ANP32E: variants seen among roughly 807,000 people sequenced by gnomAD.
The protein encoded by ANP32E is acidic nuclear phosphoprotein 32 family member E.
ANP32E carries 14 observed loss-of-function variants against 35.3 expected under a neutral mutation model. That is an observed-to-expected ratio of 0.40 (90% CI 0.26 to 0.62). ANP32E has a LOEUF of 0.62. Ranked by LOEUF, ANP32E falls within the 20% of genes least tolerant of loss-of-function variation. The pLI is 0.45. For missense variants in ANP32E, 198 were observed against 304.4 expected, an observed-to-expected ratio of 0.65 and a Z score of 2.60; for synonymous variants, 89 against 110.4, an observed-to-expected ratio of 0.81 and a Z score of 1.22.
intron 6 of ANP32E, among the ~76,000 whole-genome samples, chr1:150,221,228 A>T (rs1648337477): frequency 6.6e-6 from 1 of 150,618 alleles, no homozygotes; most frequent in African/African-American, 2.4e-5. Context: ...ACTTAAGGTC[A>T]GGAGTTGGAG....
chr1:150,231,739 C>T, intron 2 of ANP32E, 38 bp downstream of exon 2: 1 of 1,582,702 alleles, frequency 6.3e-7, no homozygotes, highest in African/African-American at 1.4e-5. Context: ...ATAGCCGTGG[C>T]ATTGAAATCA....
intron 1 of ANP32E, chr1:150,234,690 C>T: frequency 1.0e-6 from 1 of 985,456 alleles, no homozygotes; most frequent in Non-Finnish European, 1.2e-6. Flanking sequence ...GGAAACCCCA[C>T]ACGGGGCGGG....
chr1:150,221,115 C>CACAAA (rs1648320250), intron 6 of ANP32E, among the ~76,000 whole-genome samples: 1 of 68,916 alleles, frequency 1.5e-5, no homozygotes, highest in African/African-American at 6.4e-5. Context: ...ACTTTGTCTC[C>CACAAA]AAAAAAAAAA....
chr1:150,229,340 C>T (rs1649161857), intron 3 of ANP32E, 103 bp from the exon 4 acceptor site: 2 of 682,050 alleles, frequency 2.9e-6, no homozygotes, highest in Admixed American at 4.3e-5. Context: ...AGCTCTGTTG[C>T]CAGCTGGAAT....
At chr1:150,234,972 G>A (rs982855603) in intron 1 of ANP32E, among the ~76,000 whole-genome samples, 4 of 152,224 alleles carry the variant, frequency 2.6e-5, no homozygotes, top group Non-Finnish European at 5.9e-5. Flanking sequence ...TTGTGAAACC[G>A]TCTCCAGGGA....
chr1:150,235,608 C>A lies in ANP32E; in HGVS notation c.54+125G>T. 1 of 1,036,556 alleles carries A rather than the reference C, an allele frequency of 9.6e-7. No homozygotes were observed. Among genetic ancestry groups the A allele is most frequent in the South Asian group, 1.5e-5 (1 of 65,766 alleles). The allele number at this position is 1,036,556 out of a possible 1,614,324, so 64.2% of individuals were successfully genotyped here. A position where few individuals can be genotyped will look rare whatever the true frequency, so the allele number is the denominator to read the frequency against. ...AACTTAAAATTAAACATTTCCCCAA[C>A]CCTAACCCGGGGGGATGGGGGCTAA... On this transcript the variant is annotated intron_variant, in intron 1 of 6. Coordinates refer to ENST00000583931, the MANE Select transcript of ANP32E (RefSeq NM_030920.5). The surrounding 1 kb of genome is among the most constrained non-coding windows in gnomAD (Gnocchi z 4.2).
chr1:150,235,765 T>G lies in ANP32E; in HGVS notation c.22A>C (p.Asn8His). MEMKKKI[N>H]LELRNRSPEE... ...GGGGATCTGTTCCTTAACTCCAGGT[T>G]AATCTTCTTCTTCATCTCCATGTCC... is the stretch of plus-strand genomic sequence containing the variant. The change falls in exon 1 of 7, where the codon AAC becomes CAC. Residue 8 changes from asparagine to histidine, a missense_variant. By Grantham distance (68) the Asn-to-His change is moderately conservative. This residue lies in a region of ANP32E where 35 missense variants were observed against 47.6 expected (regional missense o/e 0.74). Transcript: ENST00000583931. The surrounding 1 kb of genome is among the most constrained non-coding windows in gnomAD (Gnocchi z 4.2). 1 of 1,609,238 alleles carries G rather than the reference T, an allele frequency of 6.2e-7. No individual in the cohort carries two copies. Among genetic ancestry groups the G allele is most frequent in the Non-Finnish European group, 8.5e-7 (1 of 1,177,530 alleles).
rs143204667 is a variant in ANP32E, at chr1:150,231,864, A to T, written c.117T>A (p.Asp39Glu). 3 of 1,613,416 alleles carry T rather than the reference A, an allele frequency of 1.9e-6. No individual in the cohort carries two copies. Among genetic ancestry groups the T allele is most frequent in the Non-Finnish European group, 2.5e-6 (3 of 1,179,850 alleles). ...TCAGAAATTCTAGTTCTTTGAAAGT[A>T]TCATTCAGGCCTTCAATTTCCCCAT... is the stretch of plus-strand genomic sequence containing the variant. Reference protein sequence around the residue: ...CVNGEIEGLNDTFKELEFLSM... With the variant: ...CVNGEIEGLNETFKELEFLSM... Residue 39 changes from aspartate to glutamate, a missense_variant, in exon 2 of 7, where the codon GAT becomes GAA. Physicochemically the swap from Asp to Glu is conservative, Grantham distance 45 (BLOSUM62 2). Around this residue, in one of 4 missense-constraint regions of ANP32E, gnomAD observed 35 missense variants for 47.6 expected, o/e 0.74. Transcript: ENST00000583931.
chr1:150,232,026 T>A, intron 1 of ANP32E, 100 bp from the exon 2 acceptor site: 1 of 1,228,784 alleles, frequency 8.1e-7, no homozygotes, highest in East Asian at 2.6e-5. Context: ...AAACCACCAA[T>A]CTCCAGTTTG....
intron 4 of ANP32E, 57 bp downstream of exon 4, chr1:150,229,015 C>T (rs1553840883): frequency 6.8e-7 from 1 of 1,478,026 alleles, no homozygotes; most frequent in Non-Finnish European, 9.1e-7. Context: ...ATCTAATTTG[C>T]ACAGCTACAG....
intron 4 of ANP32E, among the ~76,000 whole-genome samples, chr1:150,228,500 A>G (rs1649068939): frequency 1.3e-5 from 2 of 151,796 alleles, no homozygotes; most frequent in Admixed American, 1.3e-4. Context: ...GACCAGCCTG[A>G]CCAACATGGT....
In ANP32E at chr1:150,220,094, C is replaced by A. The variant is rs1021100617; in HGVS notation, c.*597G>T. 2 of 150,100 alleles carry A rather than the reference C, an allele frequency of 1.3e-5. No individual in the cohort carries two copies. Among genetic ancestry groups the A allele is most frequent in the Admixed American group, 6.8e-5 (1 of 14,768 alleles). The allele number at this position is 150,100 out of a possible 1,614,324, so 9.3% of individuals were successfully genotyped here. Reference sequence around the variant, plus strand: ...ACCACTAAATCCATGAACCATATTACTGAATAGAACCTCCACAAAATCCAT... The same window carrying A: ...ACCACTAAATCCATGAACCATATTAATGAATAGAACCTCCACAAAATCCAT... On this transcript the variant is annotated 3_prime_UTR_variant, in exon 7 of 7. Coordinates refer to ENST00000583931, the MANE Select transcript of ANP32E (RefSeq NM_030920.5).
chr1:150,236,054 A>T lies in ANP32E; in HGVS notation c.-268T>A, dbSNP rs587684856. ...CGCACGCACGCGCGCACACACATAC[A>T]CACACACATACACACACACACCCGC... On this transcript the variant is annotated 5_prime_UTR_variant, in exon 1 of 7. Coordinates refer to ENST00000583931, the MANE Select transcript of ANP32E (RefSeq NM_030920.5). 2.5e-6 allele frequency: 1 copy of T among 403,944 alleles called. No individual in the cohort carries two copies. Among genetic ancestry groups the T allele is most frequent in the Admixed American group, 4.1e-5 (1 of 24,616 alleles). The allele number at this position is 403,944 out of a possible 1,614,324, so 25.0% of individuals were successfully genotyped here. A position where few individuals can be genotyped will look rare whatever the true frequency, so the allele number is the denominator to read the frequency against.
Position 150,235,888 on chromosome 1 carries a change from G to A in ANP32E, c.-102C>T. 1.2e-6 allele frequency: 1 copy of A among 815,012 alleles called. No homozygotes were observed. 50.5% of individuals were successfully genotyped at this position (815,012 alleles called of 1,614,324 possible). A position where few individuals can be genotyped will look rare whatever the true frequency, so the allele number is the denominator to read the frequency against. ...TAAGAGATTTAGAAATGAATGAAAA[G>A]GAACGCAAATATAAACGCCCACTAC... On this transcript the variant is annotated 5_prime_UTR_variant, in exon 1 of 7. Transcript: ENST00000583931. The surrounding 1 kb of genome is among the most constrained non-coding windows in gnomAD (Gnocchi z 4.2).
intron 2 of ANP32E, among the ~76,000 whole-genome samples, chr1:150,231,378 G>A (rs79427717): frequency 0.031 from 4,750 of 152,122 alleles, 112 homozygotes; most frequent in Non-Finnish European, 0.044. Context: ...GAGGATGACC[G>A]GAGCCCAGGA....
intron 6 of ANP32E, among the ~76,000 whole-genome samples, chr1:150,222,418 CA>C (rs1276330361): frequency 0.98 from 142,870 of 145,338 alleles, 70,222 homozygotes; most frequent in South Asian, 0.99. Context: ...GACTCCATCT[CA>C]AAAAAAATAA....
intron 1 of ANP32E, chr1:150,234,463 G>T: frequency 2.6e-6 from 1 of 377,546 alleles, no homozygotes; most frequent in Non-Finnish European, 3.6e-6. Flanking sequence ...CACTCCACAC[G>T]CCGGACGCGA....
At chr1:150,227,451 C>T (rs1202994497) in intron 4 of ANP32E, among the ~76,000 whole-genome samples, 5 of 152,072 alleles carry the variant, frequency 3.3e-5, no homozygotes, top group East Asian at 1.9e-4. Context: ...TTTGCAGCAA[C>T]ATAGATGCAG....
chr1:150,228,782 T>TA lies in ANP32E; in HGVS notation c.493+289dup, dbSNP rs150882855. Among the ~76,000 whole-genome samples, 462 of 152,260 alleles carry TA rather than the reference T, an allele frequency of 3.0e-3. 29 individuals carry two copies. The East Asian group carries it at 0.084, about 28-fold the overall frequency. ...TGGCTATTATAAGTGGTTGCTTTTT[T>TA]AAAAAAATACTATTTAAGAGGTTGC... On this transcript the variant is annotated intron_variant, in intron 4 of 6. Transcript: ENST00000583931.
Sources: gnomAD v4.1 joint callset for allele counts (sites outside exome capture counted in the v4.1 genomes callset) on GRCh38, gnomAD v4.1.1 for gene constraint, gnomAD v4.1.1 regional missense constraint, Gnocchi (gnomAD v3.1) non-coding constraint, MANE v1.5 for transcripts, NCBI Gene and HGNC (gene_info 2026-07-23, HGNC 2026-07-21) for gene names.